STPG2: variants seen among roughly 807,000 people sequenced by gnomAD.
STPG2 encodes sperm tail PG-rich repeat containing 2.
Under a neutral mutation model 54.2 loss-of-function variants are expected in STPG2, and 56 were observed. The observed-to-expected ratio is 1.03, with a 90% CI of 0.83 to 1.29. The LOEUF is 1.29. Ranked by LOEUF, STPG2 falls within the 50% of genes most tolerant of loss-of-function variation. The probability of loss-of-function intolerance (pLI) is 0.00; values close to 1 mark genes in which losing one functional copy is unlikely to be tolerated. For missense variants in STPG2, 596 were observed against 544.9 expected, an observed-to-expected ratio of 1.09 and a Z score of -0.93; for synonymous variants, 200 against 181.8, an observed-to-expected ratio of 1.10 and a Z score of -0.81.
intron 4 of STPG2, among the ~76,000 whole-genome samples, chr4:97,496,763 A>C (rs974698730): frequency 9.2e-5 from 14 of 151,642 alleles, no homozygotes; most frequent in Admixed American, 2.0e-4. Context: ...CTTATCTAAT[A>C]ATCTCCTACA....
At chr4:97,868,928 G>A (rs1056302867) in intron 8 of STPG2, among the ~76,000 whole-genome samples, 1 of 151,830 alleles carries the variant, frequency 6.6e-6, no homozygotes, top group Non-Finnish European at 1.5e-5. Context: ...TTTGCAGTAA[G>A]AGAAATTTCG....
intron 4 of STPG2, among the ~76,000 whole-genome samples, chr4:97,546,426 G>A (rs2148864969): frequency 6.6e-6 from 1 of 151,886 alleles, no homozygotes; most frequent in Admixed American, 6.6e-5. Flanking sequence ...ATACTATCAA[G>A]GTAAATAAAA....
chr4:98,010,916 T>C (rs1435237577), intron 5 of STPG2, among the ~76,000 whole-genome samples: 3 of 152,162 alleles, frequency 2.0e-5, no homozygotes, highest in Admixed American at 6.6e-5. Flanking sequence ...TTTTAAGTTA[T>C]CCTACCCCCA....
At chr4:97,904,788 G>A (rs1335761972) in intron 8 of STPG2, among the ~76,000 whole-genome samples, 2 of 152,204 alleles carry the variant, frequency 1.3e-5, no homozygotes, top group African/African-American at 4.8e-5. Flanking sequence ...GAAAACCAAG[G>A]CTTGAGAACT....
chr4:97,681,453 AAATTTT>A (rs1723032095), intron 10 of STPG2, among the ~76,000 whole-genome samples: 1 of 151,834 alleles, frequency 6.6e-6, no homozygotes, highest in Non-Finnish European at 1.5e-5. Flanking sequence ...ATAAAGAAAA[AAATTTT>A]TTAAATTAAT....
intron 5 of STPG2, among the ~76,000 whole-genome samples, chr4:98,044,374 T>C (rs565903397): frequency 2.0e-5 from 3 of 152,282 alleles, no homozygotes; most frequent in South Asian, 2.1e-4. Context: ...GTGACAGAAA[T>C]TGCTGGATAA....
intron 1 of STPG2, among the ~76,000 whole-genome samples, chr4:98,141,299 T>G (rs1366236526): frequency 6.6e-6 from 1 of 152,228 alleles, no homozygotes; most frequent in Non-Finnish European, 1.5e-5. Flanking sequence ...ATCAACACTC[T>G]ATAGAGAATA....
chr4:97,725,522 G>A (rs867428542), intron 9 of STPG2, among the ~76,000 whole-genome samples: 5 of 151,716 alleles, frequency 3.3e-5, no homozygotes, highest in Non-Finnish European at 5.9e-5. Flanking sequence ...AAAACAAACA[G>A]CATTCTGAGA....
chr4:97,773,542 G>A (rs919511546), intron 9 of STPG2, among the ~76,000 whole-genome samples: 1 of 152,018 alleles, frequency 6.6e-6, no homozygotes, highest in Non-Finnish European at 1.5e-5. Flanking sequence ...AGACTCATGA[G>A]CTCAAGTAAT....
intron 4 of STPG2, among the ~76,000 whole-genome samples, chr4:97,509,620 TACTC>T (rs1403788291): frequency 1.3e-5 from 2 of 152,102 alleles, no homozygotes; most frequent in Non-Finnish European, 2.9e-5. Context: ...ACTAGAAAGT[TACTC>T]ACGGAAATTG....
At chr4:97,914,409 A>AT (rs1036009854) in intron 8 of STPG2, among the ~76,000 whole-genome samples, 8 of 152,108 alleles carry the variant, frequency 5.3e-5, no homozygotes, top group East Asian at 1.9e-4. Context: ...TCATGAAAAG[A>AT]TTTTTTTTAA....
At chr4:97,970,586 T>C (rs745913154) in intron 7 of STPG2, among the ~76,000 whole-genome samples, 5 of 152,036 alleles carry the variant, frequency 3.3e-5, no homozygotes, top group Non-Finnish European at 4.4e-5. Flanking sequence ...ATAAATGATG[T>C]TGGGAAAACT....
chr4:97,568,079 A>T (rs1412912413), intron 10 of STPG2, among the ~76,000 whole-genome samples: 3 of 152,322 alleles, frequency 2.0e-5, no homozygotes, highest in Non-Finnish European at 4.4e-5. Flanking sequence ...AAATGAACCA[A>T]CTTTCATTTC....
intron 2 of STPG2, among the ~76,000 whole-genome samples, chr4:98,132,570 G>A (rs6846264): frequency 2.0e-3 from 309 of 151,858 alleles, no homozygotes; most frequent in African/African-American, 7.3e-3. Flanking sequence ...CGTTTCTCCC[G>A]GTTTTGTAGA....
chr4:97,806,816 G>A (rs1375298585), intron 9 of STPG2, among the ~76,000 whole-genome samples: 2 of 152,010 alleles, frequency 1.3e-5, no homozygotes, highest in East Asian at 3.9e-4. Context: ...TTCATAAATT[G>A]CTAAGCCTTT....
intron 7 of STPG2, among the ~76,000 whole-genome samples, chr4:97,950,625 G>C (rs1039042530): frequency 6.6e-6 from 1 of 152,142 alleles, no homozygotes; most frequent in African/African-American, 2.4e-5. Context: ...TTGCTAGAGA[G>C]CTAGTGAAAC....
chr4:97,651,941 C>T (rs1578454795), intron 10 of STPG2, among the ~76,000 whole-genome samples: 1 of 151,680 alleles, frequency 6.6e-6, no homozygotes, highest in South Asian at 2.1e-4. Context: ...TTATTCTTGC[C>T]ATATGAAAAT....
chr4:98,061,717 G>C (rs1163773361), intron 5 of STPG2, among the ~76,000 whole-genome samples: 1 of 152,190 alleles, frequency 6.6e-6, no homozygotes, highest in Non-Finnish European at 1.5e-5. Context: ...CTGATCATTA[G>C]AGAAATGCAA....
At chr4:97,513,906 A>C (rs1455297445) in intron 4 of STPG2, among the ~76,000 whole-genome samples, 2 of 152,126 alleles carry the variant, frequency 1.3e-5, no homozygotes, top group East Asian at 1.9e-4. Context: ...ATGAGTCCCC[A>C]AAAAAGAATT....
Sources: allele counts gnomAD v4.1 joint callset (sites outside exome capture counted in the v4.1 genomes callset), GRCh38; gene constraint gnomAD v4.1.1; transcripts MANE v1.5; gene names NCBI Gene and HGNC (gene_info 2026-07-23, HGNC 2026-07-21).